Variants in MGAM observed in about 807,000 individuals in gnomAD.
The protein encoded by MGAM is maltase-glucoamylase.
Under a neutral mutation model 358.8 loss-of-function variants are expected in MGAM, and 253 were observed. The ratio of observed to expected loss-of-function variants is 0.71; its 90% CI spans 0.64 to 0.78. The LOEUF (loss-of-function observed/expected upper bound fraction) is 0.78, where lower values mean the gene tolerates loss of function less well. Among genes scored for constraint, MGAM ranks in the 30% least tolerant of loss-of-function variants. The probability of loss-of-function intolerance (pLI) is 0.00; values close to 1 mark genes in which losing one functional copy is unlikely to be tolerated. For missense variants in MGAM, 3,080 were observed against 3,432.6 expected, an observed-to-expected ratio of 0.90 and a Z score of 2.57; for synonymous variants, 1,105 against 1,227.1, an observed-to-expected ratio of 0.90 and a Z score of 2.08.
Position 142,058,272 on chromosome 7 carries a change from A to G in MGAM, c.3763A>G (p.Asn1255Asp), listed in dbSNP as rs771606438. 6.2e-7 allele frequency: 1 copy of G among 1,613,940 alleles called. No homozygotes were observed. The highest frequency in any genetic ancestry group is 1.1e-5 in the South Asian group (1 of 91,078). The part of the protein sequence containing the change: ...GFQLCRYGYQ[N>D]DSEIASLYDE... Reference sequence around the variant, plus strand: ...CCAGCTGTGTCGCTATGGCTACCAGAATGACTCTGAGATCGCCAGCTTGTA... The same window carrying G: ...CCAGCTGTGTCGCTATGGCTACCAGGATGACTCTGAGATCGCCAGCTTGTA... Residue 1255 changes from asparagine (N) to aspartate (D), a missense_variant, in exon 31 of 71, where the codon AAT becomes GAT. Physicochemically the swap from Asn to Asp is conservative, Grantham distance 23. Coordinates refer to ENST00000475668, the MANE Select transcript of MGAM (RefSeq NM_001365693.1).
In MGAM at chr7:142,046,219, T is replaced by C. The variant is rs1183790457; in HGVS notation, c.2499-1566T>C. Among the ~76,000 whole-genome samples the C allele has an allele frequency of 2.0e-5, 3 of 150,514 alleles. 1 individual carries two copies. The highest frequency in any genetic ancestry group is 7.3e-5 in the African/African-American group (3 of 41,078). ...TGATTTTGTCTTTCTTCTTTAATAC[T>C]GTTAGTATTTCAAGAACAGTTGTAT... On this transcript the variant is annotated intron_variant, in intron 21 of 70. Coordinates refer to ENST00000475668, the MANE Select transcript of MGAM (RefSeq NM_001365693.1).
rs73153947 is a variant in MGAM, at chr7:142,014,958, G to A, written c.328-4241G>A. Reference sequence around the variant, plus strand: ...TGTAAGTTTTTTTTTACTTGCATCTGTGTGATTTTAGATATATATCTTAAG... The same window carrying A: ...TGTAAGTTTTTTTTTACTTGCATCTATGTGATTTTAGATATATATCTTAAG... On this transcript the variant is annotated intron_variant, in intron 3 of 70. Coordinates refer to ENST00000475668, the MANE Select transcript of MGAM (RefSeq NM_001365693.1). 9.4e-3 allele frequency among the ~76,000 whole-genome samples: 1,427 copies of A among 152,032 alleles called. 11 individuals carry two copies. The highest frequency in any genetic ancestry group is 0.016 in the Non-Finnish European group (1,057 of 67,900).
chr7:142,003,331 A>G (rs1396327002), intron 1 of MGAM, among the ~76,000 whole-genome samples: 3 of 152,086 alleles, frequency 2.0e-5, no homozygotes, highest in Non-Finnish European at 4.4e-5. Context: ...CTAAAAGACT[A>G]TAGTAATGCA....
At position 142,090,786 on chromosome 7, in the gene MGAM, G is replaced by A. The variant is rs556175370; in HGVS notation, c.6811-1127G>A. 6.1e-5 allele frequency among the ~76,000 whole-genome samples: 9 copies of A among 146,492 alleles called. No homozygotes were observed. In the South Asian group the frequency reaches 1.1e-3, roughly 18 times the overall value. ...GACATACAAAGGACCATAATGTTCC[G>A]TAACAAGCAACATTTATTTGCTGCT... On this transcript the variant is annotated intron_variant, in intron 57 of 70. Coordinates refer to ENST00000475668, the MANE Select transcript of MGAM (RefSeq NM_001365693.1).
chr7:142,021,132 C>A, intron 5 of MGAM, 49 bp downstream of exon 5: 1 of 1,363,918 alleles, frequency 7.3e-7, no homozygotes, highest in South Asian at 1.3e-5. Flanking sequence ...GACTTTTATT[C>A]CCTATCGGAT....
chr7:142,065,042 T>G lies in MGAM; in HGVS notation c.4485-293T>G, dbSNP rs538858848. On this transcript the variant is annotated intron_variant, in intron 37 of 70. Transcript: ENST00000475668. ...CCTTCACTGTGTTCCTTCTCAAATATAGAAAACTAAGTATTGAGGAAACCA... is the reference window on the plus strand; with the variant it reads ...CCTTCACTGTGTTCCTTCTCAAATAGAGAAAACTAAGTATTGAGGAAACCA... Among the ~76,000 whole-genome samples, 5 of 152,280 alleles carry G rather than the reference T, an allele frequency of 3.3e-5. No individual in the cohort carries two copies. The South Asian group carries it at 1.0e-3, about 32-fold the overall frequency.
At chr7:142,026,203 T>G (rs182920075) in intron 8 of MGAM, among the ~76,000 whole-genome samples, 124 of 152,196 alleles carry the variant, frequency 8.1e-4, no homozygotes, top group South Asian at 1.4e-3. Context: ...TTTCTGACTT[T>G]TTTTTTTTAG....
chr7:142,046,309 C>G (rs1810410118), intron 21 of MGAM, among the ~76,000 whole-genome samples: 1 of 151,356 alleles, frequency 6.6e-6, no homozygotes. Context: ...TGTTAGTTAA[C>G]TTTGTTGACT....
intron 67 of MGAM, among the ~76,000 whole-genome samples, chr7:142,100,571 G>T (rs1192269238): frequency 1.3e-5 from 2 of 152,224 alleles, no homozygotes; most frequent in Admixed American, 1.3e-4. Context: ...TATTTTAAGA[G>T]CCTTAAAGCA....
chr7:142,059,733 C>T, intron 32 of MGAM, 123 bp from the exon 33 acceptor site: 1 of 1,568,188 alleles, frequency 6.4e-7, no homozygotes, highest in Non-Finnish European at 8.7e-7. Context: ...TTTCCCAGGA[C>T]TCACAGAAAC....
intron 30 of MGAM, among the ~76,000 whole-genome samples, 166 bp from the exon 31 acceptor site, chr7:142,058,037 G>T (rs1769153458): frequency 6.6e-6 from 1 of 152,172 alleles, no homozygotes; most frequent in African/African-American, 2.4e-5. Context: ...CTAGCAGAAA[G>T]CTTTCTCTAA....
At position 142,036,242 on chromosome 7, in the gene MGAM, C is replaced by T; in HGVS notation, c.2033C>T (p.Ala678Val). 1 of 1,611,364 alleles carries T rather than the reference C, an allele frequency of 6.2e-7. No homozygotes were observed. The highest frequency in any genetic ancestry group is 1.1e-5 in the South Asian group (1 of 90,394). Residue 678 changes from alanine to valine, a missense_variant, in exon 17 of 71, where the codon GCA (alanine) becomes GTA (valine). By Grantham distance (64) the Ala-to-Val change is moderately conservative. Coordinates refer to ENST00000475668, the MANE Select transcript of MGAM (RefSeq NM_001365693.1). ...ELCRRWMQLG[A>V]FYPFSRNHNG... ...TGTAGGCGGTGGATGCAGTTGGGTG[C>T]ATTTTATCCGTTTTCTAGAAATCAC...
rs750040921 is a variant in MGAM at position 142,065,477 on chromosome 7, G to A, written c.4618+9G>A. On this transcript the variant is annotated intron_variant, in intron 38 of 70. Coordinates refer to ENST00000475668, the MANE Select transcript of MGAM (RefSeq NM_001365693.1). ...GAAGAAGTCTATCATTGGTGCGTGG[G>A]TCCTTCCCCAGGGCCTTTGCCGACA... is the stretch of plus-strand genomic sequence containing the variant. The A allele has an allele frequency of 1.9e-6, 3 of 1,612,920 alleles. No homozygotes were observed. The highest frequency in any genetic ancestry group is 2.7e-5 in the African/African-American group (2 of 74,838).
At chr7:142,091,795 T>G in intron 57 of MGAM, 118 bp from the exon 58 acceptor site, 1 of 1,110,872 alleles carries the variant, frequency 9.0e-7, no homozygotes, top group Non-Finnish European at 1.3e-6. Flanking sequence ...TTAGGCCCTG[T>G]TCAGGCCGTC....
intron 3 of MGAM, among the ~76,000 whole-genome samples, chr7:142,017,206 T>A (rs1374789009): frequency 2.2e-4 from 34 of 152,162 alleles, no homozygotes; most frequent in Admixed American, 2.2e-3. Context: ...CCTTCAGTAC[T>A]GTTTTGGTAG....
intron 10 of MGAM, among the ~76,000 whole-genome samples, chr7:142,028,988 T>A (rs1807215080): frequency 6.6e-6 from 1 of 152,138 alleles, no homozygotes; most frequent in African/African-American, 2.4e-5. Flanking sequence ...TGCTACAACG[T>A]GGTGAACTCT....
chr7:142,101,254 C>T (rs574707523), intron 68 of MGAM, among the ~76,000 whole-genome samples: 17 of 152,086 alleles, frequency 1.1e-4, no homozygotes, highest in Middle Eastern at 3.4e-3. Context: ...TACCTCTATC[C>T]GTTGTATTAT....
At position 142,084,475 on chromosome 7, in the gene MGAM, G is replaced by C. The variant is rs1197097882; in HGVS notation, c.6382-44G>C. On this transcript the variant is annotated intron_variant, in intron 53 of 70. Coordinates refer to ENST00000475668, the MANE Select transcript of MGAM (RefSeq NM_001365693.1). ...ATTACTTGATGTAAAACTTCAATCT[G>C]GTGTCTCTGTTCTGAGGACTAATAT... 1.6e-5 allele frequency: 24 copies of C among 1,530,960 alleles called. 6 individuals carry two copies. The highest frequency in any genetic ancestry group is 1.8e-5 in the Non-Finnish European group (20 of 1,114,242). The allele number at this position is 1,530,960 out of a possible 1,614,324, so 94.8% of individuals were successfully genotyped here.
At chr7:142,094,302 T>A (rs934150850) in intron 60 of MGAM, 62 bp from the exon 61 acceptor site, 4 of 1,475,384 alleles carry the variant, frequency 2.7e-6, no homozygotes, top group East Asian at 2.5e-5. Flanking sequence ...TGGGAGCAGA[T>A]GCTCTATGGC....
Sources: gnomAD v4.1 joint callset for allele counts (sites outside exome capture counted in the v4.1 genomes callset) on GRCh38, gnomAD v4.1.1 for gene constraint, MANE v1.5 for transcripts, NCBI Gene and HGNC (gene_info 2026-07-23, HGNC 2026-07-21) for gene names.